The following PARD3 variants were observed in gnomAD, a reference collection of about 807,000 sequenced individuals.
PARD3 encodes partitioning defective 3 homolog.
In PARD3, 75 loss-of-function variants were observed where a neutral mutation model predicts 155.4. The observed-to-expected ratio is 0.48, with a 90% CI of 0.40 to 0.58. The LOEUF is 0.58. Ranked by LOEUF, PARD3 falls within the 20% of genes least tolerant of loss-of-function variation. PARD3 has a pLI of 0.00. For missense variants in PARD3, 1,642 were observed against 1,721.7 expected (o/e 0.95, Z 0.82); for synonymous variants, 576 against 610.5 (o/e 0.94, Z 0.83).
At chr10:34,803,256 C>CAA (rs1435788705) in intron 1 of PARD3, among the ~76,000 whole-genome samples, 4 of 88,344 alleles carry the variant, frequency 4.5e-5, no homozygotes, top group East Asian at 2.7e-4. Flanking sequence ...TAAATAATAA[C>CAA]AAAAAAAAAA....
At chr10:34,140,198 G>C (rs553124360) in intron 22 of PARD3, among the ~76,000 whole-genome samples, 1 of 152,266 alleles carries the variant, frequency 6.6e-6, no homozygotes, top group South Asian at 2.1e-4. Context: ...CATTGAAGCA[G>C]AGAGACATGG....
intron 11 of PARD3, among the ~76,000 whole-genome samples, chr10:34,373,045 GATTT>G (rs1432309747): frequency 1.3e-5 from 2 of 151,800 alleles, no homozygotes; most frequent in South Asian, 2.1e-4. Context: ...TTACAAGGAT[GATTT>G]ATTAAAAAAA....
chr10:34,138,633 GT>G (rs1261550373), intron 22 of PARD3, among the ~76,000 whole-genome samples: 5 of 152,138 alleles, frequency 3.3e-5, no homozygotes, highest in Admixed American at 6.6e-5. Flanking sequence ...GATTTACTTA[GT>G]TTGCCAAGAG....
chr10:34,169,682 A>G (rs1949697275), intron 22 of PARD3, among the ~76,000 whole-genome samples: 1 of 152,236 alleles, frequency 6.6e-6, no homozygotes, highest in African/African-American at 2.4e-5. Context: ...GTCATCTGTG[A>G]AAGTCTTTAA....
intron 20 of PARD3, among the ~76,000 whole-genome samples, chr10:34,294,294 A>C (rs561858529): frequency 5.4e-4 from 82 of 152,354 alleles, no homozygotes; most frequent in Non-Finnish European, 9.7e-4. Flanking sequence ...ACTGACAGGA[A>C]GTGATACACA....
At chr10:34,377,880 T>C (rs1417989347) in intron 10 of PARD3, 87 bp downstream of exon 10, 8 of 1,081,150 alleles carry the variant, frequency 7.4e-6, no homozygotes, top group African/African-American at 1.7e-5. Context: ...CTGAATTTCA[T>C]ATTTTATGAA....
intron 2 of PARD3, among the ~76,000 whole-genome samples, chr10:34,606,063 G>A (rs2090391529): frequency 7.3e-6 from 1 of 137,034 alleles, no homozygotes; most frequent in Non-Finnish European, 1.5e-5. Flanking sequence ...TATATATGAG[G>A]AAAAACTCCC....
At chr10:34,430,550 G>T (rs942175188) in intron 5 of PARD3, among the ~76,000 whole-genome samples, 1 of 152,084 alleles carries the variant, frequency 6.6e-6, no homozygotes, top group African/African-American at 2.4e-5. Flanking sequence ...GATTAATATT[G>T]AACCATATTA....
At chr10:34,465,405 C>T (rs1022540412) in intron 4 of PARD3, among the ~76,000 whole-genome samples, 1 of 152,116 alleles carries the variant, frequency 6.6e-6, no homozygotes, top group East Asian at 1.9e-4. Flanking sequence ...AACATCTCAC[C>T]CTTCTAATAG....
chr10:34,799,035 G>A (rs2134313251), intron 1 of PARD3, among the ~76,000 whole-genome samples: 1 of 152,178 alleles, frequency 6.6e-6, no homozygotes, highest in Middle Eastern at 3.4e-3. Flanking sequence ...TAAAACCTTT[G>A]CTGCCAAGGT....
intron 20 of PARD3, among the ~76,000 whole-genome samples, chr10:34,291,047 G>T (rs1956651829): frequency 6.6e-6 from 1 of 152,074 alleles, no homozygotes; most frequent in Non-Finnish European, 1.5e-5. Context: ...ACTTTTAATT[G>T]ATTCTTGTGC....
intron 22 of PARD3, among the ~76,000 whole-genome samples, chr10:34,263,050 C>T (rs1451405551): frequency 1.3e-5 from 2 of 152,338 alleles, no homozygotes; most frequent in Admixed American, 6.5e-5. Context: ...TGCATTCCCA[C>T]ACTCCTATAT....
intron 2 of PARD3, among the ~76,000 whole-genome samples, chr10:34,614,102 G>GA (rs1203250064): frequency 1.3e-5 from 2 of 150,916 alleles, no homozygotes; most frequent in African/African-American, 2.4e-5. Flanking sequence ...TTCAAGAAAA[G>GA]AAAAAAAAAG....
At chr10:34,529,646 T>G (rs2082706722) in intron 2 of PARD3, among the ~76,000 whole-genome samples, 1 of 152,196 alleles carries the variant, frequency 6.6e-6, no homozygotes, top group South Asian at 2.1e-4. Flanking sequence ...GTGTGTTATA[T>G]GTATTCCACA....
chr10:34,166,060 T>C (rs1431633284), intron 22 of PARD3, among the ~76,000 whole-genome samples: 3 of 152,236 alleles, frequency 2.0e-5, no homozygotes, highest in Non-Finnish European at 4.4e-5. Flanking sequence ...TCCCTAAACC[T>C]TCCCTCAGAT....
chr10:34,329,829 A>G (rs1454691595), intron 19 of PARD3, among the ~76,000 whole-genome samples: 1 of 152,226 alleles, frequency 6.6e-6, no homozygotes, highest in Admixed American at 6.5e-5. Context: ...TTCGCATATT[A>G]CATTATGACA....
chr10:34,353,842 G>A (rs1440204267), intron 14 of PARD3, among the ~76,000 whole-genome samples: 4 of 151,792 alleles, frequency 2.6e-5, no homozygotes, highest in South Asian at 2.1e-4. Context: ...AAACTGAAAC[G>A]ATGGAAAAGA....
At chr10:34,412,753 G>T (rs771576882) in intron 5 of PARD3, among the ~76,000 whole-genome samples, 13 of 152,076 alleles carry the variant, frequency 8.5e-5, no homozygotes, top group Non-Finnish European at 1.5e-4. Context: ...CGGGATTCAT[G>T]ATTTGCAAAT....
chr10:34,301,933 T>G (rs1957174020), intron 20 of PARD3, among the ~76,000 whole-genome samples: 1 of 151,018 alleles, frequency 6.6e-6, no homozygotes, highest in Admixed American at 6.6e-5. Flanking sequence ...CTGGCCACAA[T>G]TTTTACAAAA....
Sources: gnomAD v4.1 joint callset for allele counts (sites outside exome capture counted in the v4.1 genomes callset) on GRCh38, gnomAD v4.1.1 for gene constraint, MANE v1.5 for transcripts, NCBI Gene and HGNC (gene_info 2026-07-23, HGNC 2026-07-21) for gene names.